SULF1: variants seen among roughly 807,000 people sequenced by gnomAD.
SULF1 encodes extracellular sulfatase Sulf-1.
SULF1 carries 46 observed loss-of-function variants against 110.5 expected under a neutral mutation model. That is an observed-to-expected ratio of 0.42 (90% CI 0.33 to 0.53). The LOEUF is 0.53. Ranked by LOEUF, SULF1 falls within the 20% of genes least tolerant of loss-of-function variation. The probability of loss-of-function intolerance (pLI) is 0.12; values close to 1 mark genes in which losing one functional copy is unlikely to be tolerated. For missense variants in SULF1, 941 were observed against 1,094.2 expected, an observed-to-expected ratio of 0.86 and a Z score of 1.98; for synonymous variants, 371 against 387.1, an observed-to-expected ratio of 0.96 and a Z score of 0.49.
At chr8:69,554,875 A>C (rs993819438) in intron 3 of SULF1, among the ~76,000 whole-genome samples, 90 of 144,530 alleles carry the variant, frequency 6.2e-4, no homozygotes, top group African/African-American at 2.0e-3. Context: ...GCTACTCGGG[A>C]GGCTGAGGTA....
chr8:69,486,445 T>C (rs1257650887), intron 1 of SULF1, among the ~76,000 whole-genome samples: 4 of 152,198 alleles, frequency 2.6e-5, no homozygotes, highest in Non-Finnish European at 4.4e-5. Flanking sequence ...ACCCAGTCAT[T>C]AATTACATGG....
chr8:69,504,413 G>A lies in SULF1; in HGVS notation c.-134+2445G>A, dbSNP rs534502857. ...TACTAAAAATACAAAAAATTAGCCG[G>A]GCGTGGTGGTGCGCGCCTGTAATCC... On this transcript the variant is annotated intron_variant, in intron 3 of 22. Transcript: ENST00000402687. Among the ~76,000 whole-genome samples the A allele has an allele frequency of 2.6e-5, 4 of 152,074 alleles. No individual in the cohort carries two copies. In the South Asian group the frequency reaches 8.3e-4, roughly 32 times the overall value.
At chr8:69,619,968 T>G (rs1225859752) in intron 13 of SULF1, among the ~76,000 whole-genome samples, 2 of 152,210 alleles carry the variant, frequency 1.3e-5, no homozygotes, top group East Asian at 3.9e-4. Flanking sequence ...AGGGCCAATA[T>G]GACAGCTTTC....
chr8:69,599,777 G>A (rs971872348), intron 8 of SULF1, among the ~76,000 whole-genome samples: 1 of 152,182 alleles, frequency 6.6e-6, no homozygotes, highest in African/African-American at 2.4e-5. Context: ...CAGAGCGTGA[G>A]GTGGCAGCAT....
intron 1 of SULF1, among the ~76,000 whole-genome samples, chr8:69,494,840 A>G (rs1475686983): frequency 2.6e-5 from 4 of 150,990 alleles, no homozygotes; most frequent in Non-Finnish European, 4.4e-5. Context: ...CGTTTGTGCC[A>G]CTGCACCTCA....
chr8:69,523,097 A>G (rs945843429), intron 3 of SULF1, among the ~76,000 whole-genome samples: 1 of 152,178 alleles, frequency 6.6e-6, no homozygotes, highest in Admixed American at 6.5e-5. Flanking sequence ...TCATCTGGGT[A>G]AAAAAGAAGA....
rs111576114 is a variant in SULF1 at position 69,653,861 on chromosome 8, A to G, written c.2586-4644A>G. 5.2e-3 allele frequency among the ~76,000 whole-genome samples: 789 copies of G among 152,310 alleles called. 5 individuals are homozygous for G. The highest frequency in any genetic ancestry group is 0.018 in the African/African-American group (758 of 41,558). ...ATCTCTGTGAACTGGGGGTAGACCA[A>G]ATACATTTTTCTTATTATGCCCTAG... On this transcript the variant is annotated intron_variant, in intron 22 of 22. Transcript: ENST00000402687.
At chr8:69,489,683 TCTC>T (rs1368848410), upstream of SULF1, among the ~76,000 whole-genome samples, 3 of 150,296 alleles carry the variant, frequency 2.0e-5, no homozygotes, top group Non-Finnish European at 4.4e-5. Context: ...TTCAGGCCAT[TCTC>T]CTACCTCAGC....
intron 6 of SULF1, among the ~76,000 whole-genome samples, chr8:69,585,011 T>C (rs767445797): frequency 4.6e-5 from 7 of 152,230 alleles, no homozygotes; most frequent in African/African-American, 7.2e-5. Context: ...TTTTTTACCA[T>C]GGATATAAGC....
Position 69,563,958 on chromosome 8 carries a change from A to G in SULF1, c.-18A>G, listed in dbSNP as rs747162675. On this transcript the variant is annotated 5_prime_UTR_variant, in exon 5 of 23. Transcript: ENST00000402687. ...GACGGAGACATTTTGTCAGTTTTGCAACATTGGACCAAATACAATGAAGTA... is the reference window on the plus strand; with the variant it reads ...GACGGAGACATTTTGTCAGTTTTGCGACATTGGACCAAATACAATGAAGTA... The G allele has an allele frequency of 6.2e-7, 1 of 1,608,612 alleles. No homozygotes were observed. Among genetic ancestry groups the G allele is most frequent in the Admixed American group, 1.7e-5 (1 of 59,890 alleles).
rs1385234507 is a variant in SULF1 at position 69,492,889 on chromosome 8, G to C, written c.-627G>C. 6.6e-6 allele frequency: 1 copy of C among 152,618 alleles called. No homozygotes were observed. Among genetic ancestry groups the C allele is most frequent in the Non-Finnish European group, 1.5e-5 (1 of 68,174 alleles). 9.5% of individuals were successfully genotyped at this position (152,618 alleles called of 1,614,324 possible). ...AATCTTGGGGCCGGTGTCGGGCCGG[G>C]GCGGCTTGATCGGCAACTAGGAAAC... On this transcript the variant is annotated 5_prime_UTR_variant, in exon 1 of 23. Transcript: ENST00000402687.
In SULF1 at chr8:69,601,782, T is replaced by C; in HGVS notation, c.1014T>C (p.Ile338=). Residue 338 remains isoleucine, a synonymous_variant, in exon 10 of 23, where the codon ATT becomes ATC. Transcript: ENST00000402687. ...KGKSMPYDFD[I]RVPFFIRGPS... is the part of the protein sequence containing the mutation. Reference sequence around the variant, plus strand: ...AATCCATGCCATATGACTTTGATATTCGTGTGCCTTTTTTTATTCGTGGTC... The same window carrying C: ...AATCCATGCCATATGACTTTGATATCCGTGTGCCTTTTTTTATTCGTGGTC... 1.2e-6 allele frequency: 2 copies of C among 1,611,996 alleles called. No homozygotes were observed. Among genetic ancestry groups the C allele is most frequent in the Non-Finnish European group, 8.5e-7 (1 of 1,179,236 alleles).
chr8:69,595,028 C>A (rs1223889592), intron 8 of SULF1, among the ~76,000 whole-genome samples: 1 of 152,106 alleles, frequency 6.6e-6, no homozygotes, highest in African/African-American at 2.4e-5. Context: ...AGCAAATGAA[C>A]AAATATGTTC....
rs201872697 is a variant in SULF1 at position 69,578,320 on chromosome 8, TCTGA to T, written c.412+2115_412+2118del. ...AGAATAAAGTGACTGAAGTGACAGA[TCTGA>T]CTGTTTTTTATTTATTTGTTTATTT... On this transcript the variant is annotated intron_variant, in intron 6 of 22. Transcript: ENST00000402687. Among the ~76,000 whole-genome samples the T allele has an allele frequency of 9.3e-3, 1,391 of 150,032 alleles. 17 individuals carry two copies. The highest frequency in any genetic ancestry group is 0.034 in the African/African-American group (1,322 of 39,370).
intron 3 of SULF1, among the ~76,000 whole-genome samples, chr8:69,531,376 T>C (rs760399578): frequency 2.6e-4 from 39 of 152,176 alleles, no homozygotes; most frequent in Non-Finnish European, 3.8e-4. Flanking sequence ...TAGGGTGGAG[T>C]ACTATGCTCT....
At chr8:69,494,774 G>A (rs2725093) in intron 1 of SULF1, among the ~76,000 whole-genome samples, 2,903 of 152,026 alleles carry the variant, frequency 0.019, 37 homozygotes, top group Non-Finnish European at 0.026. Context: ...TAGCTACTCC[G>A]GTGACTGAGG....
At chr8:69,602,236 A>C (rs1205776378) in intron 10 of SULF1, among the ~76,000 whole-genome samples, 1 of 152,318 alleles carries the variant, frequency 6.6e-6, no homozygotes, top group Non-Finnish European at 1.5e-5. Context: ...TTAAAAGATA[A>C]ATTTTGAAAA....
chr8:69,660,794 T>C lies in SULF1; in HGVS notation c.*2259T>C, dbSNP rs951632581. The C allele has an allele frequency of 6.5e-6, 1 of 152,680 alleles. No individual in the cohort carries two copies. Among genetic ancestry groups the C allele is most frequent in the Non-Finnish European group, 1.5e-5 (1 of 68,042 alleles). 9.5% of individuals were successfully genotyped at this position (152,680 alleles called of 1,614,324 possible). On this transcript the variant is annotated 3_prime_UTR_variant, in exon 23 of 23. Transcript: ENST00000402687. ...GCTTTGTAAAAAGATTTCAAGTTAT[T>C]AGGAAGCATACTCTGTTTTTTAATC...
chr8:69,511,637 T>C (rs867791652), intron 3 of SULF1, among the ~76,000 whole-genome samples: 13 of 152,238 alleles, frequency 8.5e-5, no homozygotes, highest in African/African-American at 2.9e-4. Flanking sequence ...TCCTCACACA[T>C]GCACAGCCCC....
Sources: gnomAD v4.1 joint callset for allele counts (sites outside exome capture counted in the v4.1 genomes callset) on GRCh38, gnomAD v4.1.1 for gene constraint, MANE v1.5 for transcripts, NCBI Gene and HGNC (gene_info 2026-07-23, HGNC 2026-07-21) for gene names.